The following GFM1 variants were observed in gnomAD, a reference collection of about 807,000 sequenced individuals.
The protein encoded by GFM1 is G elongation factor mitochondrial 1, also known as elongation factor G, mitochondrial.
Under a neutral mutation model 96.2 loss-of-function variants are expected in GFM1, and 62 were observed. The observed-to-expected ratio is 0.64, with a 90% CI of 0.53 to 0.80. The LOEUF is 0.80. Among genes scored for constraint, GFM1 ranks in the 30% least tolerant of loss-of-function variants. The pLI, the probability that GFM1 is intolerant of heterozygous loss-of-function variation, is 0.00. For synonymous variants in GFM1, 282 were observed against 312.9 expected (o/e 0.90, Z 1.04); for missense variants, 852 against 916.6 (o/e 0.93, Z 0.91).
In GFM1 at chr3:158,666,376, G is replaced by A; in HGVS notation, c.1591G>A (p.Ala531Thr). The A allele has an allele frequency of 6.2e-7, 1 of 1,612,914 alleles. No homozygotes were observed. Among genetic ancestry groups the A allele is most frequent in the Non-Finnish European group, 8.5e-7 (1 of 1,179,014 alleles). ...PKVAFRETIT[A>T]PVPFDFTHKK... is the part of the protein sequence containing the mutation. ...AGTTGCCTTTCGAGAGACCATTACT[G>A]CCCCTGTCCCGTAAGTATGCAACGT... is the stretch of plus-strand genomic sequence containing the variant. The change falls in exon 13 of 18, where the codon GCC (alanine) becomes ACC (threonine). Residue 531 changes from alanine to threonine, a missense_variant. Coordinates refer to ENST00000486715, the MANE Select transcript of GFM1 (RefSeq NM_024996.7).
rs1353715450 is a variant in GFM1, at chr3:158,690,219, G to A, written c.1966G>A (p.Ala656Thr). 6.2e-7 allele frequency: 1 copy of A among 1,613,514 alleles called. No homozygotes were observed. The highest frequency in any genetic ancestry group is 2.2e-5 in the East Asian group (1 of 44,844). ...LEPIMAVEVVAPNEFQGQVIA... is the reference protein window; with the variant it reads ...LEPIMAVEVVTPNEFQGQVIA... Reference sequence around the variant, plus strand: ...ACCTATTATGGCTGTGGAAGTTGTAGCTCCAAATGAATTTCAGGGACAAGT... The same window carrying A: ...ACCTATTATGGCTGTGGAAGTTGTAACTCCAAATGAATTTCAGGGACAAGT... The change falls in exon 16 of 18, where the codon GCT becomes ACT. Residue 656 changes from alanine to threonine, a missense_variant. By Grantham distance (58) the Ala-to-Thr change is moderately conservative. Transcript: ENST00000486715.
In GFM1 at chr3:158,668,905, A is replaced by G. The variant is rs907686960; in HGVS notation, c.1601+2519A>G. The G allele has an allele frequency of 2.6e-6, 3 of 1,164,948 alleles. No individual in the cohort carries two copies. The Admixed American group carries it at 7.7e-5, about 30-fold the overall frequency. 72.2% of individuals were successfully genotyped at this position (1,164,948 alleles called of 1,614,324 possible). On this transcript the variant is annotated intron_variant, in intron 13 of 17. Coordinates refer to ENST00000486715, the MANE Select transcript of GFM1 (RefSeq NM_024996.7). ...CAGGTTTGCTATTAAATACAAAATG[A>G]CTATAGGAATACTGTTAATCCAATT... is the stretch of plus-strand genomic sequence containing the variant.
intron 5 of GFM1, chr3:158,649,965 T>C (rs1215456065): frequency 7.4e-6 from 11 of 1,486,868 alleles, no homozygotes; most frequent in Non-Finnish European, 1.0e-5. Context: ...GATCCTTTGT[T>C]CTGAGGAGTG....
intron 7 of GFM1, among the ~76,000 whole-genome samples, chr3:158,654,205 CT>C (rs551796824): frequency 4.0e-4 from 34 of 85,984 alleles, no homozygotes; most frequent in South Asian, 2.5e-3. Context: ...CTCTAAAGAC[CT>C]TTTTTTTTTT....
At chr3:158,660,326 A>C (rs1420128432) in intron 9 of GFM1, 1 of 151,270 alleles carries the variant, frequency 6.6e-6, no homozygotes, top group Non-Finnish European at 1.4e-5. Flanking sequence ...GGCTCACTGC[A>C]ACCTCCGCCT....
intron 15 of GFM1, among the ~76,000 whole-genome samples, chr3:158,688,443 A>C (rs902386966): frequency 2.6e-5 from 4 of 152,210 alleles, no homozygotes; most frequent in African/African-American, 9.7e-5. Flanking sequence ...GGCTGTCCTC[A>C]GTAATTGAGT....
intron 13 of GFM1, chr3:158,672,237 A>G: frequency 3.0e-6 from 4 of 1,338,756 alleles, no homozygotes; most frequent in Non-Finnish European, 4.1e-6. Context: ...CCTAAAACAG[A>G]AGGTGGGTAG....
rs1274857606 is a variant in GFM1, at chr3:158,694,466, A to G, written c.*2999A>G. Among the ~76,000 whole-genome samples, 1 of 152,224 alleles carries G rather than the reference A, an allele frequency of 6.6e-6. No individual in the cohort carries two copies. The highest frequency in any genetic ancestry group is 1.5e-5 in the Non-Finnish European group (1 of 68,038). The stretch of plus-strand genomic sequence containing the variant: ...GTGGGTGGAGGGAGAGGATCAGGAA[A>G]AATAACTAATGGGTACTAGGCTTAA... On this transcript the variant is annotated 3_prime_UTR_variant, in exon 18 of 18. Coordinates refer to ENST00000486715, the MANE Select transcript of GFM1 (RefSeq NM_024996.7).
At chr3:158,651,746 G>A (rs1461158084) in intron 5 of GFM1, among the ~76,000 whole-genome samples, 1 of 152,078 alleles carries the variant, frequency 6.6e-6, no homozygotes, top group Admixed American at 6.6e-5. Flanking sequence ...AAGATTTTGT[G>A]TTATATATTT....
intron 13 of GFM1, among the ~76,000 whole-genome samples, chr3:158,672,890 T>C (rs564272540): frequency 2.6e-5 from 4 of 152,166 alleles, no homozygotes; most frequent in East Asian, 1.9e-4. Flanking sequence ...TTCGCTGATA[T>C]AGGACATCTC....
At chr3:158,656,951 C>T (rs934070420) in intron 8 of GFM1, 4 of 152,174 alleles carry the variant, frequency 2.6e-5, no homozygotes, top group Non-Finnish European at 4.4e-5. Context: ...CATGCCCTAA[C>T]CCTAGAATCA....
chr3:158,647,060 T>A (rs140925484), intron 4 of GFM1, 113 bp downstream of exon 4: 47 of 871,410 alleles, frequency 5.4e-5, no homozygotes, highest in South Asian at 2.1e-4. Context: ...TTTAGTTTTT[T>A]AAATATATTT....
At chr3:158,649,741 G>A (rs949105447) in intron 5 of GFM1, 59 of 422,194 alleles carry the variant, frequency 1.4e-4, no homozygotes, top group Non-Finnish European at 3.0e-5. Context: ...GTAATTGCCT[G>A]GTAGTTATCA....
intron 15 of GFM1, among the ~76,000 whole-genome samples, chr3:158,687,536 C>G (rs1205776980): frequency 6.6e-6 from 1 of 152,098 alleles, no homozygotes; most frequent in Non-Finnish European, 1.5e-5. Flanking sequence ...TGCACGATCT[C>G]AGCTCACTGC....
At chr3:158,648,463 G>C (rs1408993127) in intron 4 of GFM1, among the ~76,000 whole-genome samples, 4 of 152,082 alleles carry the variant, frequency 2.6e-5, no homozygotes, top group Admixed American at 6.5e-5. Context: ...TGGATCACCA[G>C]GTCAGGAGTT....
Position 158,694,373 on chromosome 3 carries a change from T to C in GFM1, c.*2906T>C, listed in dbSNP as rs1032900940. ...CATGTTCTCACTTATAAGTGGGAGC[T>C]AAATAATGAGAACACATGGACACAC... On this transcript the variant is annotated 3_prime_UTR_variant, in exon 18 of 18. Coordinates refer to ENST00000486715, the MANE Select transcript of GFM1 (RefSeq NM_024996.7). 6.6e-6 allele frequency among the ~76,000 whole-genome samples: 1 copy of C among 152,126 alleles called. No homozygotes were observed. The highest frequency in any genetic ancestry group is 6.5e-5 in the Admixed American group (1 of 15,268).
chr3:158,648,221 T>G (rs1207596382), intron 4 of GFM1, among the ~76,000 whole-genome samples: 1 of 152,222 alleles, frequency 6.6e-6, no homozygotes, highest in African/African-American at 2.4e-5. Flanking sequence ...TGCTATTAAG[T>G]TCACATTTCT....
chr3:158,666,872 A>C, intron 13 of GFM1: 1 of 1,443,098 alleles, frequency 6.9e-7, no homozygotes, highest in Non-Finnish European at 9.4e-7. Context: ...AATTGCTGCA[A>C]TTATAATATA....
intron 13 of GFM1, among the ~76,000 whole-genome samples, chr3:158,671,268 T>C (rs998683739): frequency 3.9e-5 from 6 of 152,192 alleles, no homozygotes; most frequent in African/African-American, 1.4e-4. Context: ...TCACTTTCAA[T>C]CATCAAAAGA....
Sources: gnomAD v4.1 joint callset for allele counts (sites outside exome capture counted in the v4.1 genomes callset) on GRCh38, gnomAD v4.1.1 for gene constraint, MANE v1.5 for transcripts, NCBI Gene and HGNC (gene_info 2026-07-23, HGNC 2026-07-21) for gene names.